Variants in ADAMTS16 observed in about 807,000 individuals in gnomAD.
ADAMTS16 encodes ADAM metallopeptidase with thrombospondin type 1 motif 16.
ADAMTS16 carries 94 observed loss-of-function variants against 145.8 expected under a neutral mutation model. That is an observed-to-expected ratio of 0.64 (90% CI 0.55 to 0.77). The LOEUF (loss-of-function observed/expected upper bound fraction) is 0.77, where lower values mean the gene tolerates loss of function less well. Ranked by LOEUF, ADAMTS16 falls within the 30% of genes least tolerant of loss-of-function variation. The pLI is 0.00. For missense variants in ADAMTS16, 1,585 were observed against 1,591.5 expected (o/e 1.00, Z 0.07); for synonymous variants, 659 against 604.3 (o/e 1.09, Z -1.33).
intron 18 of ADAMTS16, among the ~76,000 whole-genome samples, chr5:5,300,229 T>C (rs1336450535): frequency 1.3e-5 from 2 of 152,042 alleles, no homozygotes; most frequent in Non-Finnish European, 1.5e-5. Flanking sequence ...AGAGAGCAAA[T>C]ATAAGAAATG....
chr5:5,248,938 C>T (rs1737538911), intron 17 of ADAMTS16, among the ~76,000 whole-genome samples: 1 of 152,166 alleles, frequency 6.6e-6, no homozygotes, highest in South Asian at 2.1e-4. Context: ...ACCAAAAGGA[C>T]GTATCTGTCT....
intron 8 of ADAMTS16, 28 bp downstream of exon 8, chr5:5,191,818 A>G: frequency 6.4e-7 from 1 of 1,553,108 alleles, no homozygotes; most frequent in Non-Finnish European, 8.8e-7. Context: ...GGAGGATGGC[A>G]TCCCGAGTTT....
At chr5:5,209,998 C>T (rs1736231846) in intron 10 of ADAMTS16, among the ~76,000 whole-genome samples, 2 of 152,142 alleles carry the variant, frequency 1.3e-5, no homozygotes, top group African/African-American at 4.8e-5. Flanking sequence ...TTAAATCTAA[C>T]GTGATAATCA....
At position 5,320,092 on chromosome 5, in the gene ADAMTS16, T is replaced by TC. The variant is rs1734226295; in HGVS notation, c.*954_*955insC. 5.6e-6 allele frequency: 2 copies of TC among 355,542 alleles called. No individual in the cohort carries two copies. Among genetic ancestry groups the TC allele is most frequent in the Admixed American group, 4.5e-5 (1 of 22,242 alleles). The allele number at this position is 355,542 out of a possible 1,614,324, so 22.0% of individuals were successfully genotyped here. The stretch of plus-strand genomic sequence containing the variant: ...TGTGTTGTGAGATTTTAATCTTTTT[T>TC]TTTTCGGTGAGTCTGGCCATTTCTA... On this transcript the variant is annotated 3_prime_UTR_variant, in exon 23 of 23. Coordinates refer to ENST00000274181, the MANE Select transcript of ADAMTS16 (RefSeq NM_139056.4). This position sits in a 1 kb window ranked among gnomAD's most constrained non-coding sequence, Gnocchi z 5.1.
At chr5:5,261,663 T>C (rs1738036734) in intron 17 of ADAMTS16, among the ~76,000 whole-genome samples, 1 of 152,130 alleles carries the variant, frequency 6.6e-6, no homozygotes, top group South Asian at 2.1e-4. Context: ...TTTTTGTATT[T>C]TTAGTAGAGA....
intron 5 of ADAMTS16, 38 bp downstream of exon 5, chr5:5,186,289 T>C (rs565899152): frequency 6.4e-7 from 1 of 1,563,694 alleles, no homozygotes; most frequent in South Asian, 1.1e-5. Flanking sequence ...CCTGTGTCAT[T>C]GCACTTCGTA....
intron 21 of ADAMTS16, among the ~76,000 whole-genome samples, chr5:5,311,611 A>G (rs1423050814): frequency 7.0e-6 from 1 of 143,808 alleles, no homozygotes; most frequent in Non-Finnish European, 1.5e-5. Context: ...CAGTGGGGTG[A>G]TCTTGGCTCA....
intron 9 of ADAMTS16, among the ~76,000 whole-genome samples, chr5:5,201,773 A>G (rs1300776666): frequency 6.6e-6 from 1 of 152,180 alleles, no homozygotes. Context: ...ATGTCTTTGC[A>G]GTCAAAACTA....
intron 3 of ADAMTS16, among the ~76,000 whole-genome samples, chr5:5,152,945 C>T (rs968097399): frequency 4.6e-5 from 7 of 152,224 alleles, no homozygotes; most frequent in Non-Finnish European, 8.8e-5. Context: ...ACATATTTTA[C>T]AGATTATGAT....
At chr5:5,189,945 G>A (rs1735612061) in intron 6 of ADAMTS16, 26 bp from the exon 7 acceptor site, 2 of 1,608,480 alleles carry the variant, frequency 1.2e-6, no homozygotes, top group South Asian at 1.1e-5. Flanking sequence ...TTATCATGGG[G>A]TCCTCGGTCC....
At chr5:5,256,966 G>A (rs1197184257) in intron 17 of ADAMTS16, among the ~76,000 whole-genome samples, 1 of 152,136 alleles carries the variant, frequency 6.6e-6, no homozygotes, top group Non-Finnish European at 1.5e-5. Context: ...AAATAGTGTG[G>A]TTATTCAGTA....
chr5:5,316,337 G>T (rs1035542599), intron 21 of ADAMTS16, among the ~76,000 whole-genome samples: 1 of 152,156 alleles, frequency 6.6e-6, no homozygotes, highest in African/African-American at 2.4e-5. Context: ...CATGCACCAG[G>T]ACTTCCAAAA....
chr5:5,191,873 C>G, intron 8 of ADAMTS16, 83 bp downstream of exon 8: 1 of 1,038,720 alleles, frequency 9.6e-7, no homozygotes, highest in Admixed American at 2.2e-5. Context: ...CTCATCAAGT[C>G]AAGTCCATGA....
chr5:5,180,547 TC>T (rs1311968749), intron 3 of ADAMTS16, among the ~76,000 whole-genome samples: 1 of 152,192 alleles, frequency 6.6e-6, no homozygotes, highest in Non-Finnish European at 1.5e-5. Context: ...AAGAGGCTTT[TC>T]CCCCTGAAGA....
Position 5,229,850 on chromosome 5 carries a change from C to G in ADAMTS16, c.1702-2518C>G, listed in dbSNP as rs142833310. Among the ~76,000 whole-genome samples, 356 of 152,260 alleles carry G rather than the reference C, an allele frequency of 2.3e-3. 3 individuals carry two copies. Among genetic ancestry groups the G allele is most frequent in the African/African-American group, 8.0e-3 (331 of 41,562 alleles). Reference sequence around the variant, plus strand: ...GAAAAAAGAATTAGAATATCATTAGCCTTGCAACACTCAAAGATGTAAAGG... The same window carrying G: ...GAAAAAAGAATTAGAATATCATTAGGCTTGCAACACTCAAAGATGTAAAGG... On this transcript the variant is annotated intron_variant, in intron 11 of 22. Transcript: ENST00000274181.
chr5:5,226,707 G>C (rs1240268575), intron 11 of ADAMTS16, among the ~76,000 whole-genome samples: 1 of 152,094 alleles, frequency 6.6e-6, no homozygotes, highest in East Asian at 1.9e-4. Context: ...TGCTACTGAG[G>C]GTGCTGCTGA....
chr5:5,229,817 A>T (rs1424429673), intron 11 of ADAMTS16, among the ~76,000 whole-genome samples: 1 of 152,208 alleles, frequency 6.6e-6, no homozygotes, highest in Non-Finnish European at 1.5e-5. Context: ...CCAGCCAGTC[A>T]TGAAAAAGAA....
rs568890955 is a variant in ADAMTS16 at position 5,237,207 on chromosome 5, T to A, written c.2154+108T>A. On this transcript the variant is annotated intron_variant, in intron 14 of 22. Coordinates refer to ENST00000274181, the MANE Select transcript of ADAMTS16 (RefSeq NM_139056.4). ...TGGACATATGAGACAAGCCTTTCCC[T>A]CTAAGTTGCAGCCCAGTGGGGAGAA... 300 of 1,222,190 alleles carry A rather than the reference T, an allele frequency of 2.5e-4. 3 individuals are homozygous for A. In the South Asian group the frequency reaches 4.0e-3, roughly 16 times the overall value. 75.7% of individuals were successfully genotyped at this position (1,222,190 alleles called of 1,614,324 possible).
chr5:5,146,487 C>T (rs1283318569), intron 3 of ADAMTS16, 32 bp downstream of exon 3: 4 of 1,561,736 alleles, frequency 2.6e-6, no homozygotes, highest in East Asian at 2.3e-5. Flanking sequence ...GGTAGGGAGG[C>T]GAGGTTGGTG....
Sources: gnomAD v4.1 joint callset for allele counts (sites outside exome capture counted in the v4.1 genomes callset) on GRCh38, gnomAD v4.1.1 for gene constraint, Gnocchi (gnomAD v3.1) non-coding constraint, MANE v1.5 for transcripts, NCBI Gene and HGNC (gene_info 2026-07-23, HGNC 2026-07-21) for gene names.